The following SHISA6 variants were observed in gnomAD, a reference collection of about 807,000 sequenced individuals.
SHISA6 encodes the protein shisa family member 6.
A neutral mutation model predicts 47.9 loss-of-function variants in SHISA6; 22 were observed. The observed-to-expected ratio is 0.46, with a 90% CI of 0.33 to 0.66. The LOEUF is 0.66. SHISA6 is among the 30% of genes least tolerant of loss of function. The probability of loss-of-function intolerance (pLI) is 0.02; values close to 1 mark genes in which losing one functional copy is unlikely to be tolerated. For missense variants in SHISA6, 680 were observed against 764.6 expected, an observed-to-expected ratio of 0.89 and a Z score of 1.30; for synonymous variants, 388 against 337.8, an observed-to-expected ratio of 1.15 and a Z score of -1.63.
At chr17:11,296,785 G>T (rs1909765426) in intron 2 of SHISA6, among the ~76,000 whole-genome samples, 1 of 152,102 alleles carries the variant, frequency 6.6e-6, no homozygotes, top group Admixed American at 6.6e-5. Flanking sequence ...GCAGGAGCGT[G>T]GGAAGAGCCC....
intron 3 of SHISA6, among the ~76,000 whole-genome samples, chr17:11,412,797 C>T (rs1914167158): frequency 6.6e-6 from 1 of 152,128 alleles, no homozygotes; most frequent in African/African-American, 2.4e-5. Context: ...TTCCACCATC[C>T]CCACCACCCC....
chr17:11,560,611 G>A lies in SHISA6; in HGVS notation c.*2307G>A, dbSNP rs908729723. 5 of 152,200 alleles carry A rather than the reference G, an allele frequency of 3.3e-5. No homozygotes were observed. Among genetic ancestry groups the A allele is most frequent in the African/African-American group, 1.2e-4 (5 of 41,408 alleles). 9.4% of individuals were successfully genotyped at this position (152,200 alleles called of 1,614,324 possible). ...GCCCTTCCCAGGTGTCTACATGCAG[G>A]TATACACCAAACCAGAAAGCTGATC... On this transcript the variant is annotated 3_prime_UTR_variant, in exon 6 of 6. Coordinates refer to ENST00000441885, the MANE Select transcript of SHISA6 (RefSeq NM_207386.4).
chr17:11,431,332 C>A (rs1306925668), intron 3 of SHISA6, among the ~76,000 whole-genome samples: 2 of 152,198 alleles, frequency 1.3e-5, no homozygotes, highest in Non-Finnish European at 2.9e-5. Context: ...GAGTGTGGAG[C>A]AGGAAGAGCT....
chr17:11,262,277 G>C (rs562893142), intron 1 of SHISA6, among the ~76,000 whole-genome samples: 2 of 152,338 alleles, frequency 1.3e-5, no homozygotes, highest in South Asian at 4.1e-4. Flanking sequence ...CCTGGTAAGA[G>C]GGAAGCCTTG....
chr17:11,483,474 T>C (rs1916271147), intron 3 of SHISA6, among the ~76,000 whole-genome samples: 1 of 152,152 alleles, frequency 6.6e-6, no homozygotes, highest in African/African-American at 2.4e-5. Flanking sequence ...CTACAAGATA[T>C]ACACTTACAA....
intron 2 of SHISA6, among the ~76,000 whole-genome samples, chr17:11,307,765 A>G (rs977012983): frequency 7.2e-5 from 11 of 152,236 alleles, no homozygotes; most frequent in Non-Finnish European, 1.3e-4. Flanking sequence ...AATTCATAGT[A>G]TAACTTCACA....
chr17:11,425,227 TTGAGGGTGGTTGGAAACAAACCAGAAA>T (rs1195553942), intron 3 of SHISA6, among the ~76,000 whole-genome samples: 16 of 151,786 alleles, frequency 1.1e-4, no homozygotes, highest in Admixed American at 8.5e-4. Flanking sequence ...TGGTAAGCTC[TTGAGGGTGGTTGGAAACAAACCAGAAA>T]GGTTTGTTTC....
At chr17:11,499,697 T>TG (rs2071435996) in intron 3 of SHISA6, among the ~76,000 whole-genome samples, 1 of 148,208 alleles carries the variant, frequency 6.7e-6, no homozygotes. Context: ...TTTTTTTTTT[T>TG]TTTGTTGTTG....
intron 2 of SHISA6, among the ~76,000 whole-genome samples, chr17:11,263,856 C>T (rs1460579100): frequency 6.6e-6 from 1 of 152,136 alleles, no homozygotes; most frequent in Non-Finnish European, 1.5e-5. Flanking sequence ...TGGTGGGAAA[C>T]TTTAGGCTGA....
At chr17:11,523,112 A>G (rs981206497) in intron 3 of SHISA6, among the ~76,000 whole-genome samples, 4 of 152,222 alleles carry the variant, frequency 2.6e-5, no homozygotes, top group African/African-American at 9.6e-5. Flanking sequence ...GAGCCTCTAA[A>G]AAAATCCCAT....
At chr17:11,418,019 G>A (rs1914334907) in intron 3 of SHISA6, among the ~76,000 whole-genome samples, 1 of 152,178 alleles carries the variant, frequency 6.6e-6, no homozygotes, top group African/African-American at 2.4e-5. Context: ...TATCTTGTGA[G>A]CAGAGGTACA....
At position 11,563,878 on chromosome 17, in the gene SHISA6, C is replaced by T. The variant is rs9227; in HGVS notation, c.*5574C>T. The T allele has an allele frequency of 0.4, 60,167 of 151,968 alleles. 12,271 individuals carry two copies. The highest frequency in any genetic ancestry group is 0.49 in the African/African-American group (20,182 of 41,432). 9.4% of individuals were successfully genotyped at this position (151,968 alleles called of 1,614,324 possible). On this transcript the variant is annotated 3_prime_UTR_variant, in exon 6 of 6. Coordinates refer to ENST00000441885, the MANE Select transcript of SHISA6 (RefSeq NM_207386.4). ...GTTTCTTCGTTACTCATATGTAAGC[C>T]TCATGGTAAGCAGTGCTCTAGTAAC...
chr17:11,278,033 A>T (rs1404441723), intron 2 of SHISA6, among the ~76,000 whole-genome samples: 1 of 152,186 alleles, frequency 6.6e-6, no homozygotes, highest in African/African-American at 2.4e-5. Flanking sequence ...TTTGTGTCAC[A>T]GTGTGGCCCA....
intron 2 of SHISA6, among the ~76,000 whole-genome samples, chr17:11,349,090 TATGCCACTGG>T (rs1183783241): frequency 6.6e-6 from 1 of 152,238 alleles, no homozygotes; most frequent in African/African-American, 2.4e-5. Flanking sequence ...GGTTTAATTT[TATGCCACTGG>T]ATAAACATGT....
At chr17:11,532,109 T>C (rs1383867614) in intron 3 of SHISA6, among the ~76,000 whole-genome samples, 1 of 152,092 alleles carries the variant, frequency 6.6e-6, no homozygotes, top group Non-Finnish European at 1.5e-5. Context: ...GAAAATTTCA[T>C]AGGGTGGAGA....
chr17:11,304,376 C>G lies in SHISA6; in HGVS notation c.799+40850C>G, dbSNP rs370182695. Among the ~76,000 whole-genome samples the G allele has an allele frequency of 2.1e-4, 32 of 152,304 alleles. 1 individual carries two copies. Among genetic ancestry groups the G allele is most frequent in the African/African-American group, 7.2e-4 (30 of 41,582 alleles). ...CAAGATCTACCTTTTCCTCCTACAG[C>G]TTTGATCTCAACACCTGCAGTCAAA... On this transcript the variant is annotated intron_variant, in intron 2 of 5. Transcript: ENST00000441885.
intron 3 of SHISA6, among the ~76,000 whole-genome samples, chr17:11,501,036 C>T (rs1236589480): frequency 1.3e-5 from 2 of 152,140 alleles, no homozygotes; most frequent in Non-Finnish European, 2.9e-5. Context: ...AATACATAGC[C>T]TGTAAGTGGA....
At chr17:11,416,688 C>A (rs887118800) in intron 3 of SHISA6, among the ~76,000 whole-genome samples, 1 of 152,044 alleles carries the variant, frequency 6.6e-6, no homozygotes, top group African/African-American at 2.4e-5. Context: ...TCATTATATT[C>A]TTTATGTATA....
intron 3 of SHISA6, chr17:11,379,748 G>A: frequency 2.7e-6 from 1 of 372,446 alleles, no homozygotes; most frequent in South Asian, 3.3e-5. Flanking sequence ...CCATGGCGGG[G>A]ACACAGATGC....
Sources: allele counts gnomAD v4.1 joint callset (sites outside exome capture counted in the v4.1 genomes callset), GRCh38; gene constraint gnomAD v4.1.1; transcripts MANE v1.5; gene names NCBI Gene and HGNC (gene_info 2026-07-23, HGNC 2026-07-21).